Variants in GRIA4 observed in about 807,000 individuals in gnomAD.
GRIA4 encodes the protein glutamate ionotropic receptor AMPA type subunit 4, also known as glutamate receptor 4.
GRIA4 carries 34 observed loss-of-function variants against 104.0 expected under a neutral mutation model. That is an observed-to-expected ratio of 0.33 (90% CI 0.25 to 0.44). GRIA4 has a LOEUF of 0.44. Ranked by LOEUF, GRIA4 falls within the 20% of genes least tolerant of loss-of-function variation. The probability of loss-of-function intolerance (pLI) is 1.00; values close to 1 mark genes in which losing one functional copy is unlikely to be tolerated. For synonymous variants in GRIA4, 386 were observed against 381.9 expected, an observed-to-expected ratio of 1.01 and a Z score of -0.13; for missense variants, 750 against 1,096.5, an observed-to-expected ratio of 0.68 and a Z score of 4.46.
chr11:105,845,075 C>A (rs965115455), intron 4 of GRIA4, among the ~76,000 whole-genome samples: 4 of 152,182 alleles, frequency 2.6e-5, no homozygotes, highest in African/African-American at 9.7e-5. Flanking sequence ...TTTATTATTA[C>A]CTCACATGGT....
intron 11 of GRIA4, 142 bp from the exon 12 acceptor site, chr11:105,924,257 A>G (rs1947646720): frequency 3.7e-6 from 2 of 540,518 alleles, no homozygotes; most frequent in East Asian, 5.3e-5. Context: ...TGTGTCTATC[A>G]CTAGGCTTAT....
At chr11:105,652,331 G>A (rs189922430) in intron 3 of GRIA4, among the ~76,000 whole-genome samples, 36 of 152,182 alleles carry the variant, frequency 2.4e-4, no homozygotes, top group Admixed American at 2.1e-3. Context: ...TGAGAAAATG[G>A]AAAGAAGCCC....
chr11:105,840,602 T>A (rs1229884829), intron 4 of GRIA4, among the ~76,000 whole-genome samples: 1 of 152,210 alleles, frequency 6.6e-6, no homozygotes, highest in Non-Finnish European at 1.5e-5. Context: ...CATGCTGTCA[T>A]AGACTTAAAA....
At chr11:105,715,626 G>C (rs899488573) in intron 3 of GRIA4, among the ~76,000 whole-genome samples, 3 of 152,120 alleles carry the variant, frequency 2.0e-5, no homozygotes, top group Non-Finnish European at 4.4e-5. Context: ...CGAGCAAAAA[G>C]GATTTTAAAG....
chr11:105,800,567 CTA>C (rs796567430), intron 4 of GRIA4, among the ~76,000 whole-genome samples: 8 of 152,064 alleles, frequency 5.3e-5, no homozygotes, highest in African/African-American at 1.9e-4. Flanking sequence ...TTAATATAGA[CTA>C]AATATTAAGA....
chr11:105,881,142 A>G (rs1946041356), intron 5 of GRIA4, among the ~76,000 whole-genome samples: 2 of 152,168 alleles, frequency 1.3e-5, no homozygotes, highest in African/African-American at 4.8e-5. Context: ...GTGTAAACTA[A>G]TTACTGGAGG....
chr11:105,770,148 GT>G (rs761307572), intron 4 of GRIA4, among the ~76,000 whole-genome samples: 3 of 152,004 alleles, frequency 2.0e-5, no homozygotes, highest in East Asian at 3.9e-4. Flanking sequence ...CAACTTTATA[GT>G]CCCCCTAACA....
rs1444701289 is a variant in GRIA4, at chr11:105,887,899, T to A, written c.726+327T>A. 3.3e-5 allele frequency among the ~76,000 whole-genome samples: 5 copies of A among 152,330 alleles called. No individual in the cohort carries two copies. In the East Asian group the frequency reaches 5.8e-4, roughly 18 times the overall value. On this transcript the variant is annotated intron_variant, in intron 6 of 16. Transcript: ENST00000282499. ...GACAAAGATAGCCAATATTTGGATA[T>A]TATAAGAATGATCTAAACTAATAGC...
rs190115700 is a variant in GRIA4, at chr11:105,747,487, G to A, written c.248-5494G>A. Among the ~76,000 whole-genome samples, 4 of 152,186 alleles carry A rather than the reference G, an allele frequency of 2.6e-5. No homozygotes were observed. In the East Asian group the frequency reaches 5.8e-4, roughly 22 times the overall value. On this transcript the variant is annotated intron_variant, in intron 3 of 16. Coordinates refer to ENST00000282499, the MANE Select transcript of GRIA4 (RefSeq NM_000829.4). ...ACAACAGTAACACGTAAGACAGGAG[G>A]GCAATGTCAAAGTTAAAATGCTTAA...
chr11:105,622,729 G>T (rs1950781283), intron 3 of GRIA4, among the ~76,000 whole-genome samples: 1 of 151,598 alleles, frequency 6.6e-6, no homozygotes, highest in Non-Finnish European at 1.5e-5. Context: ...ATGCAATTTT[G>T]TTACATGTAT....
At chr11:105,643,383 T>C (rs1231634456) in intron 3 of GRIA4, among the ~76,000 whole-genome samples, 1 of 152,186 alleles carries the variant, frequency 6.6e-6, no homozygotes, top group East Asian at 1.9e-4. Context: ...TGTTTTACTT[T>C]AGGAAATAAT....
intron 14 of GRIA4, among the ~76,000 whole-genome samples, chr11:105,954,941 A>T (rs1373779266): frequency 6.8e-6 from 1 of 147,440 alleles, no homozygotes; most frequent in Non-Finnish European, 1.5e-5. Flanking sequence ...ATGCCATATA[A>T]AATGTTATAT....
chr11:105,611,110 G>T (rs1157365122), intron 2 of GRIA4, 25 bp downstream of exon 2: 5 of 1,529,428 alleles, frequency 3.3e-6, no homozygotes, highest in African/African-American at 1.4e-5. Context: ...GATGGGGTGT[G>T]CATGTGGCTG....
rs182465089 is a variant in GRIA4 at position 105,850,747 on chromosome 11, C to T, written c.488-11277C>T. On this transcript the variant is annotated intron_variant, in intron 4 of 16. Transcript: ENST00000282499. ...ATTGGGAGAAGGGGGCTTTACGTCC[C>T]TGTGAACTTAGAGTGAAAGCAGCAA... Among the ~76,000 whole-genome samples, 302 of 152,222 alleles carry T rather than the reference C, an allele frequency of 2.0e-3. 2 individuals are homozygous for T. The highest frequency in any genetic ancestry group is 7.0e-3 in the African/African-American group (289 of 41,538).
intron 14 of GRIA4, among the ~76,000 whole-genome samples, chr11:105,954,703 G>A (rs1468836721): frequency 6.6e-6 from 1 of 151,708 alleles, no homozygotes; most frequent in Non-Finnish European, 1.5e-5. Context: ...CAATCATATG[G>A]ATCATTGGTA....
chr11:105,779,213 C>T (rs1022533918), intron 4 of GRIA4, among the ~76,000 whole-genome samples: 4 of 151,844 alleles, frequency 2.6e-5, no homozygotes, highest in Admixed American at 2.0e-4. Context: ...GGTTCCAAGT[C>T]TTTGCTATTG....
chr11:105,639,816 C>G (rs1951309126), intron 3 of GRIA4, among the ~76,000 whole-genome samples: 1 of 151,858 alleles, frequency 6.6e-6, no homozygotes, highest in Non-Finnish European at 1.5e-5. Flanking sequence ...CCATAGTAAC[C>G]TTACTGATAT....
chr11:105,622,192 C>T (rs750756372), intron 3 of GRIA4, among the ~76,000 whole-genome samples: 11 of 151,748 alleles, frequency 7.2e-5, no homozygotes, highest in Non-Finnish European at 1.5e-4. Flanking sequence ...TTCTTTATGG[C>T]TTCAGGGTGT....
chr11:105,937,507 G>T (rs1948076381), intron 14 of GRIA4, among the ~76,000 whole-genome samples: 1 of 152,096 alleles, frequency 6.6e-6, no homozygotes, highest in Non-Finnish European at 1.5e-5. Context: ...TGTTAGATGA[G>T]AATAACCCTT....
Sources: gnomAD v4.1 joint callset for allele counts (sites outside exome capture counted in the v4.1 genomes callset) on GRCh38, gnomAD v4.1.1 for gene constraint, MANE v1.5 for transcripts, NCBI Gene and HGNC (gene_info 2026-07-23, HGNC 2026-07-21) for gene names.